The following PARD3 variants were observed in gnomAD, a reference collection of about 807,000 sequenced individuals.
PARD3 encodes par-3 family cell polarity regulator.
In PARD3, 75 loss-of-function variants were observed where a neutral mutation model predicts 155.4. The ratio of observed to expected loss-of-function variants is 0.48; its 90% confidence interval spans 0.40 to 0.58. PARD3 has a LOEUF of 0.58. Ranked by LOEUF, PARD3 falls within the 20% of genes least tolerant of loss-of-function variation. PARD3 has a pLI of 0.00. For missense variants in PARD3, 1,642 were observed against 1,721.7 expected (o/e 0.95, Z 0.82); for synonymous variants, 576 against 610.5 (o/e 0.94, Z 0.83).
chr10:34,116,469 C>A (rs1189848256), intron 24 of PARD3, among the ~76,000 whole-genome samples: 1 of 152,208 alleles, frequency 6.6e-6, no homozygotes, highest in Non-Finnish European at 1.5e-5. Flanking sequence ...TTGACTCAAG[C>A]TCACGGAGGT....
chr10:34,767,423 G>T (rs935928109), intron 1 of PARD3, among the ~76,000 whole-genome samples: 1 of 151,830 alleles, frequency 6.6e-6, no homozygotes, highest in African/African-American at 2.4e-5. Flanking sequence ...AGCTCAGGAG[G>T]TGCACATCCT....
chr10:34,697,511 C>T (rs1225010757), intron 1 of PARD3, among the ~76,000 whole-genome samples: 2 of 152,106 alleles, frequency 1.3e-5, no homozygotes, highest in Non-Finnish European at 2.9e-5. Flanking sequence ...TATTAAGAAG[C>T]TCTCCAAGTC....
intron 1 of PARD3, among the ~76,000 whole-genome samples, chr10:34,718,815 T>C (rs1235087366): frequency 6.6e-6 from 1 of 152,010 alleles, no homozygotes; most frequent in African/African-American, 2.4e-5. Flanking sequence ...AATACAAAAA[T>C]TAGCCGGGCG....
At chr10:34,338,438 T>C (rs1044986551) in intron 16 of PARD3, among the ~76,000 whole-genome samples, 1 of 152,254 alleles carries the variant, frequency 6.6e-6, no homozygotes, top group African/African-American at 2.4e-5. Context: ...CTAGCTCTAC[T>C]ATATCAGGTC....
intron 2 of PARD3, among the ~76,000 whole-genome samples, chr10:34,662,988 C>T (rs1198000050): frequency 6.6e-6 from 1 of 151,912 alleles, no homozygotes; most frequent in Non-Finnish European, 1.5e-5. Context: ...ATTAAAACAA[C>T]TGAAATCATG....
At chr10:34,718,191 T>C (rs1245352689) in intron 1 of PARD3, among the ~76,000 whole-genome samples, 1 of 146,310 alleles carries the variant, frequency 6.8e-6, no homozygotes, top group African/African-American at 2.5e-5. Context: ...AGGCAAGCCA[T>C]AGGTATATGA....
chr10:34,757,723 A>G (rs1836929463), intron 1 of PARD3, among the ~76,000 whole-genome samples: 1 of 152,102 alleles, frequency 6.6e-6, no homozygotes. Flanking sequence ...AAGAAAAAAG[A>G]AGAAAATACA....
chr10:34,471,935 CTGGTCAA>C (rs1392837491), intron 3 of PARD3, among the ~76,000 whole-genome samples: 21 of 152,138 alleles, frequency 1.4e-4, no homozygotes, highest in African/African-American at 5.1e-4. Context: ...CACTGGTGCA[CTGGTCAA>C]TGGTAAAGAT....
chr10:34,707,860 C>T (rs2094389914), intron 1 of PARD3, among the ~76,000 whole-genome samples: 1 of 152,176 alleles, frequency 6.6e-6, no homozygotes, highest in African/African-American at 2.4e-5. Context: ...TTCAAACATC[C>T]ACCTCTCACT....
chr10:34,805,963 C>T (rs865923930), intron 1 of PARD3, among the ~76,000 whole-genome samples: 9 of 150,992 alleles, frequency 6.0e-5, no homozygotes, highest in South Asian at 2.1e-4. Context: ...GGCGACAGAG[C>T]GAGACTCCGT....
chr10:34,278,403 A>G (rs763010843), intron 21 of PARD3, among the ~76,000 whole-genome samples: 1 of 152,138 alleles, frequency 6.6e-6, no homozygotes, highest in Non-Finnish European at 1.5e-5. Context: ...ACATTTTAAA[A>G]TAGTAATTTT....
intron 14 of PARD3, 106 bp from the exon 15 acceptor site, chr10:34,348,221 A>AT: frequency 1.1e-6 from 1 of 917,842 alleles, no homozygotes; most frequent in East Asian, 2.7e-5. Context: ...CCAACTGGGT[A>AT]CCAAATGAAC....
Position 34,510,105 on chromosome 10 carries a change from T to C in PARD3, c.403+6874A>G, listed in dbSNP as rs144270325. 5.6e-3 allele frequency among the ~76,000 whole-genome samples: 849 copies of C among 152,342 alleles called. 4 individuals are homozygous for C. Among genetic ancestry groups the C allele is most frequent in the Non-Finnish European group, 8.3e-3 (568 of 68,026 alleles). On this transcript the variant is annotated intron_variant, in intron 3 of 24. Coordinates refer to ENST00000374788, the MANE Select transcript of PARD3 (RefSeq NM_001184785.2). ...AATTAGAAGAATTGAGTAATACTGATGTAACAAAACTCCATTTACTCCCTA... is the reference window on the plus strand; with the variant it reads ...AATTAGAAGAATTGAGTAATACTGACGTAACAAAACTCCATTTACTCCCTA...
chr10:34,714,060 AT>A (rs893370038), intron 1 of PARD3, among the ~76,000 whole-genome samples: 8 of 152,198 alleles, frequency 5.3e-5, no homozygotes, highest in Non-Finnish European at 8.8e-5. Flanking sequence ...CAAACAAGAG[AT>A]GTTGACTCAG....
intron 5 of PARD3, among the ~76,000 whole-genome samples, chr10:34,422,508 A>T (rs2075368342): frequency 6.6e-6 from 1 of 152,170 alleles, no homozygotes; most frequent in African/African-American, 2.4e-5. Context: ...GGAATAGAAG[A>T]AATATTTGGA....
At chr10:34,357,344 CA>C (rs1385620969) in intron 14 of PARD3, among the ~76,000 whole-genome samples, 4 of 152,168 alleles carry the variant, frequency 2.6e-5, no homozygotes, top group Non-Finnish European at 5.9e-5. Context: ...CAGTAGAATG[CA>C]TGCCATCTGT....
intron 22 of PARD3, among the ~76,000 whole-genome samples, chr10:34,166,455 A>T (rs1949531797): frequency 6.6e-6 from 1 of 152,056 alleles, no homozygotes; most frequent in Non-Finnish European, 1.5e-5. Context: ...TCTACAAAAA[A>T]TATATATTTT....
chr10:34,381,912 C>CAAAAAAAAA (rs202053812), intron 9 of PARD3, among the ~76,000 whole-genome samples: 28 of 71,870 alleles, frequency 3.9e-4, no homozygotes, highest in Non-Finnish European at 4.6e-4. Flanking sequence ...GGCCCTGTCT[C>CAAAAAAAAA]AAAAAAAAAA....
At chr10:34,339,722 T>C (rs1241550613) in intron 16 of PARD3, among the ~76,000 whole-genome samples, 1 of 152,208 alleles carries the variant, frequency 6.6e-6, no homozygotes, top group African/African-American at 2.4e-5. Context: ...GAACTACATG[T>C]ACAATTTAAA....
Sources: allele counts gnomAD v4.1 joint callset (sites outside exome capture counted in the v4.1 genomes callset), GRCh38; gene constraint gnomAD v4.1.1; transcripts MANE v1.5; gene names NCBI Gene and HGNC (gene_info 2026-07-23, HGNC 2026-07-21).